Variants in VWA3A observed in about 807,000 individuals in gnomAD.
VWA3A encodes von Willebrand factor A domain-containing protein 3A.
A neutral mutation model predicts 160.4 loss-of-function variants in VWA3A; 134 were observed. The observed-to-expected ratio is 0.84, with a 90% confidence interval of 0.73 to 0.96. The LOEUF (loss-of-function observed/expected upper bound fraction) is 0.96. Among genes scored for constraint, VWA3A ranks in the 40% least tolerant of loss-of-function variants. The pLI, the probability that VWA3A is intolerant of heterozygous loss-of-function variation, is 0.00. For synonymous variants in VWA3A, 476 were observed against 543.4 expected (o/e 0.88, Z 1.72); for missense variants, 1,310 against 1,447.9 (o/e 0.90, Z 1.55).
At chr16:22,094,572 C>CA (rs140237362) in intron 1 of VWA3A, among the ~76,000 whole-genome samples, 9,332 of 142,916 alleles carry the variant, frequency 0.065, 906 homozygotes, top group African/African-American at 0.22. Context: ...CTAGCTGAAG[C>CA]AAAAAAAAAA....
chr16:22,138,841 G>C (rs1175313869), intron 22 of VWA3A, among the ~76,000 whole-genome samples: 2 of 151,868 alleles, frequency 1.3e-5, no homozygotes, highest in African/African-American at 4.8e-5. Flanking sequence ...AGTCTCTCGG[G>C]GGCAAAGGAA....
In VWA3A at chr16:22,152,623, A is replaced by C. The variant is rs763281384; in HGVS notation, c.3394A>C (p.Ile1132Leu). ...TCACAGCCTGCTGACCAAAGGCTTC[A>C]TCAATGAAAAGGTAGGTTGCAGAGC... Reference protein sequence around the residue: ...KIHSLLTKGFINEKDPTLPPF... With the variant: ...KIHSLLTKGFLNEKDPTLPPF... Residue 1132 changes from isoleucine (I) to leucine (L), a missense_variant, in exon 31 of 34, where the codon ATC becomes CTC. Physicochemically the swap from Ile to Leu is conservative, Grantham distance 5 (BLOSUM62 2). Coordinates refer to ENST00000389398, the MANE Select transcript of VWA3A (RefSeq NM_173615.5). 6.2e-7 allele frequency: 1 copy of C among 1,605,312 alleles called. No homozygotes were observed. The highest frequency in any genetic ancestry group is 1.1e-5 in the South Asian group (1 of 89,276).
Position 22,121,549 on chromosome 16 carries a change from A to G in VWA3A, c.1288A>G (p.Asn430Asp). Residue 430 changes from asparagine (N) to aspartate (D), a missense_variant, in exon 14 of 34, where the codon AAT becomes GAT. Physicochemically the swap from Asn to Asp is conservative, Grantham distance 23. Transcript: ENST00000389398. Reference protein sequence around the residue: ...KLSLYQVLAPNAFSPVEEFVP... With the variant: ...KLSLYQVLAPDAFSPVEEFVP... ...AAGTCTATATCAGGTCCTGGCACCC[A>G]ATGCATTCTCTCCTGTGGAGGAATT... is the stretch of plus-strand genomic sequence containing the variant. 6.2e-7 allele frequency: 1 copy of G among 1,613,746 alleles called. No homozygotes were observed. Among genetic ancestry groups the G allele is most frequent in the South Asian group, 1.1e-5 (1 of 91,080 alleles).
At chr16:22,100,622 G>A in intron 5 of VWA3A, 129 bp downstream of exon 5, 1 of 861,102 alleles carries the variant, frequency 1.2e-6, no homozygotes, top group South Asian at 1.6e-5. Flanking sequence ...ATCACTTGAG[G>A]TCAAGAGTTT....
At chr16:22,141,505 GTC>G in intron 23 of VWA3A, 75 bp from the exon 24 acceptor site, 1 of 1,371,086 alleles carries the variant, frequency 7.3e-7, no homozygotes, top group South Asian at 1.3e-5. Flanking sequence ...GAACTTGAGT[GTC>G]TCTAAGCCAA....
intron 16 of VWA3A, among the ~76,000 whole-genome samples, chr16:22,124,377 T>C (rs1351267112): frequency 6.6e-6 from 1 of 151,284 alleles, no homozygotes; most frequent in African/African-American, 2.4e-5. Flanking sequence ...CAGAGGTGTT[T>C]CCCAAAGGAA....
chr16:22,150,746 A>T lies in VWA3A; in HGVS notation c.3181A>T (p.Lys1061Ter). The stretch of plus-strand genomic sequence containing the variant: ...AGGATTGTACCTCCTGACCGACGGA[A>T]AGCCAGACACAAGCTGCAGCCTTGT... The part of the protein sequence containing the change: ...LEGLYLLTDG[K>*]PDTSCSLVLN... Residue 1061 changes from lysine to a stop codon, truncating the protein, a stop_gained, in exon 30 of 34, where the codon AAG (lysine) becomes TAG (stop). Transcript: ENST00000389398. LOFTEE classifies it high-confidence loss of function. 1 of 1,612,754 alleles carries T rather than the reference A, an allele frequency of 6.2e-7. No individual in the cohort carries two copies. Among genetic ancestry groups the T allele is most frequent in the Non-Finnish European group, 8.5e-7 (1 of 1,179,374 alleles).
Position 22,123,618 on chromosome 16 carries a change from G to T in VWA3A, c.1443G>T (p.Gln481His), listed in dbSNP as rs1301841094. ...TGTGGCCCACACTTCTGCAGCAACA[G>T]CTCAGCAGAGCTATGCGGATGTATG... ...DPPFLYKYQQQLSRAMRMYER... is the reference protein window; with the variant it reads ...DPPFLYKYQQHLSRAMRMYER... The change falls in exon 16 of 34, where the codon CAG (glutamine) becomes CAT (histidine). Residue 481 changes from glutamine to histidine, a missense_variant. Gln to His is a conservative substitution (Grantham distance 24, BLOSUM62 0). Transcript: ENST00000389398. The T allele has an allele frequency of 1.2e-6, 2 of 1,613,838 alleles. No homozygotes were observed. Among genetic ancestry groups the T allele is most frequent in the Non-Finnish European group, 8.5e-7 (1 of 1,179,870 alleles).
intron 6 of VWA3A, among the ~76,000 whole-genome samples, chr16:22,107,518 G>A (rs1452064902): frequency 2.0e-5 from 3 of 152,162 alleles, no homozygotes; most frequent in Non-Finnish European, 4.4e-5. Context: ...GAGGCTGAAG[G>A]ATCTCTTGAG....
chr16:22,118,910 C>G lies in VWA3A; in HGVS notation c.999C>G (p.Thr333=). ...HCYSPKMEHY[T]SRDMDELLAE... ...GCTCTTGCCACCCTCAGCACTACAC[C>G]AGCCGGGACATGGATGAGCTCCTGG... The change falls in exon 12 of 34, where the codon ACC becomes ACG. Residue 333 remains threonine, a synonymous_variant. Coordinates refer to ENST00000389398, the MANE Select transcript of VWA3A (RefSeq NM_173615.5). The G allele has an allele frequency of 6.2e-7, 1 of 1,613,932 alleles. No homozygotes were observed. Among genetic ancestry groups the G allele is most frequent in the East Asian group, 2.2e-5 (1 of 44,866 alleles).
chr16:22,148,363 G>A (rs915788841), intron 28 of VWA3A, 57 bp downstream of exon 28: 6 of 1,528,758 alleles, frequency 3.9e-6, no homozygotes, highest in Non-Finnish European at 4.4e-6. Context: ...GGCTTCCCTG[G>A]CCAAGCACGC....
chr16:22,110,741 TG>T lies in VWA3A; in HGVS notation c.583-143del, dbSNP rs1039699325. 7 of 578,460 alleles carry T rather than the reference TG, an allele frequency of 1.2e-5. No homozygotes were observed. The African/African-American group carries it at 1.4e-4, about 11-fold the overall frequency. 35.8% of individuals were successfully genotyped at this position (578,460 alleles called of 1,614,324 possible). A position where few individuals can be genotyped will look rare whatever the true frequency, so the allele number is the denominator to read the frequency against. ...GGCAGGCAGGAAGCAAATGTCGGCTTGGGGCTGGCTGCTAAGCCCAGCCTCG... is the reference window on the plus strand; with the variant it reads ...GGCAGGCAGGAAGCAAATGTCGGCTTGGGCTGGCTGCTAAGCCCAGCCTCG... On this transcript the variant is annotated intron_variant, in intron 7 of 33. Coordinates refer to ENST00000389398, the MANE Select transcript of VWA3A (RefSeq NM_173615.5).
At chr16:22,144,055 A>G (rs1371806162) in intron 25 of VWA3A, among the ~76,000 whole-genome samples, 192 bp from the exon 26 acceptor site, 1 of 151,700 alleles carries the variant, frequency 6.6e-6, no homozygotes, top group Non-Finnish European at 1.5e-5. Flanking sequence ...CTGCACCCCC[A>G]TATTTCTTGT....
chr16:22,135,651 T>G (rs1488774986), intron 21 of VWA3A, among the ~76,000 whole-genome samples: 1 of 152,152 alleles, frequency 6.6e-6, no homozygotes. Flanking sequence ...TGGCCTCCTT[T>G]GAGTTCCTTA....
intron 14 of VWA3A, among the ~76,000 whole-genome samples, chr16:22,121,896 T>C (rs13336737): frequency 0.07 from 10,585 of 152,236 alleles, 724 homozygotes; most frequent in African/African-American, 0.18. Context: ...GCTTTCTTTA[T>C]GTCCTCGCTG....
Position 22,156,054 on chromosome 16 carries a change from A to T in VWA3A, c.*37A>T. 1.1e-6 allele frequency: 1 copy of T among 928,192 alleles called. No individual in the cohort carries two copies. 57.5% of individuals were successfully genotyped at this position (928,192 alleles called of 1,614,324 possible). ...CAGAAAAGTCATCCTGCAAAGGACC[A>T]CTCACTGAGCAAATCTCAGCCCCGA... On this transcript the variant is annotated 3_prime_UTR_variant, in exon 34 of 34. Transcript: ENST00000389398.
At chr16:22,128,111 G>A (rs1374126076) in intron 17 of VWA3A, among the ~76,000 whole-genome samples, 1 of 152,154 alleles carries the variant, frequency 6.6e-6, no homozygotes, top group Non-Finnish European at 1.5e-5. Context: ...ATGGATATGG[G>A]GCTGAGAGGG....
intron 30 of VWA3A, among the ~76,000 whole-genome samples, chr16:22,151,610 G>A (rs1000485218): frequency 6.6e-6 from 1 of 152,132 alleles, no homozygotes; most frequent in African/African-American, 2.4e-5. Context: ...AATGGCTCAT[G>A]CCTATAATCC....
chr16:22,153,981 C>T (rs1367948123), intron 31 of VWA3A, among the ~76,000 whole-genome samples: 1 of 152,062 alleles, frequency 6.6e-6, no homozygotes, highest in East Asian at 1.9e-4. Flanking sequence ...TTAAGTAATC[C>T]TCCCGCCTGA....
Sources: allele counts gnomAD v4.1 joint callset (sites outside exome capture counted in the v4.1 genomes callset), GRCh38; gene constraint gnomAD v4.1.1; transcripts MANE v1.5; gene names NCBI Gene and HGNC (gene_info 2026-07-23, HGNC 2026-07-21).